The following PIEZO1 variants were observed in gnomAD, a reference collection of about 807,000 sequenced individuals.
The protein encoded by PIEZO1 is piezo-type mechanosensitive ion channel component 1.
In PIEZO1, 296 loss-of-function variants were observed where a neutral mutation model predicts 297.2. That is an observed-to-expected ratio of 1.00 (90% confidence interval 0.91 to 1.10). PIEZO1 has a LOEUF of 1.10. Ranked by LOEUF, PIEZO1 falls within the 50% of genes least tolerant of loss-of-function variation. The probability of loss-of-function intolerance (pLI) is 0.00; values close to 1 mark genes in which losing one functional copy is unlikely to be tolerated. For synonymous variants in PIEZO1, 2,427 were observed against 1,507.5 expected, an observed-to-expected ratio of 1.61 and a Z score of -14.13; for missense variants, 5,018 against 3,455.5, an observed-to-expected ratio of 1.45 and a Z score of -11.34.
In PIEZO1 at chr16:88,727,743, C is replaced by CT; in HGVS notation, c.3197-83dup. The CT allele has an allele frequency of 4.9e-6, 3 of 614,516 alleles. No individual in the cohort carries two copies. The South Asian group carries it at 8.2e-5, about 17-fold the overall frequency. The allele number at this position is 614,516 out of a possible 1,614,324, so 38.1% of individuals were successfully genotyped here. ...CCGGTCCCCACCCGTTGACCCGAGT[C>CT]TATCACCAGCCCTCAGGGTCCATGG... On this transcript the variant is annotated intron_variant, in intron 22 of 50. Transcript: ENST00000301015.
rs757623895 is a variant in PIEZO1 at position 88,720,722 on chromosome 16, C to G, written c.5695G>C (p.Gly1899Arg). 59 of 1,523,886 alleles carry G rather than the reference C, an allele frequency of 3.9e-5. No homozygotes were observed. The South Asian group carries it at 6.9e-4, about 18-fold the overall frequency. 94.4% of individuals were successfully genotyped at this position (1,523,886 alleles called of 1,614,324 possible). A position where few individuals can be genotyped will look rare whatever the true frequency, so the allele number is the denominator to read the frequency against. Reference protein sequence around the residue: ...IEAEDREEEEGEEEKEAPTGR... With the variant: ...IEAEDREEEEREEEKEAPTGR... ...GTGGGGGCCTCTTTCTCTTCCTCCC[C>G]CTCTTCTTCCTCCCTGTCCTCAGCT... Residue 1899 changes from glycine to arginine, a missense_variant, in exon 40 of 51, where the codon GGG (glycine) becomes CGG (arginine). Transcript: ENST00000301015.
Position 88,722,027 on chromosome 16 carries a change from A to C in PIEZO1, c.4995T>G (p.Phe1665Leu). Residue 1665 changes from phenylalanine to leucine, a missense_variant, in exon 37 of 51, where the codon TTT (phenylalanine) becomes TTG (leucine). Physicochemically the swap from Phe to Leu is conservative, Grantham distance 22 (BLOSUM62 0). Transcript: ENST00000301015. The part of the protein sequence containing the change: ...RIPELEEAEL[F>L]AEGQGRALRL... ...GCAGCGCCCGGCCCTGCCCCTCCGCAAACAGCTCTGCCTCCTCCAGCTCTG... is the reference window on the plus strand; with the variant it reads ...GCAGCGCCCGGCCCTGCCCCTCCGCCAACAGCTCTGCCTCCTCCAGCTCTG... The C allele has an allele frequency of 1.3e-6, 2 of 1,548,306 alleles. No individual in the cohort carries two copies. Among genetic ancestry groups the C allele is most frequent in the Admixed American group, 2.0e-5 (1 of 50,980 alleles).
At chr16:88,719,496 C>T (rs887319048) in intron 44 of PIEZO1, 78 bp downstream of exon 44, 22 of 1,387,720 alleles carry the variant, frequency 1.6e-5, no homozygotes, top group African/African-American at 8.6e-5. Context: ...CACGGGTTCT[C>T]GTGGCAGCAG....
intron 1 of PIEZO1, among the ~76,000 whole-genome samples, chr16:88,749,896 CG>C (rs1203338396): frequency 2.0e-5 from 3 of 151,572 alleles, no homozygotes; most frequent in African/African-American, 7.3e-5. Context: ...GGCATGGTGG[CG>C]GGCACCTGTA....
At position 88,719,706 on chromosome 16, in the gene PIEZO1, C is replaced by T. The variant is rs773087443; in HGVS notation, c.6339G>A (p.Pro2113=). 13 of 1,551,234 alleles carry T rather than the reference C, an allele frequency of 8.4e-6. No individual in the cohort carries two copies. The highest frequency in any genetic ancestry group is 5.9e-5 in the South Asian group (5 of 84,084). Residue 2113 remains proline (P), a synonymous_variant, in exon 44 of 51, where the codon CCG becomes CCA. Coordinates refer to ENST00000301015, the MANE Select transcript of PIEZO1 (RefSeq NM_001142864.4). ...TCACTGCCCGCAGCTCCACCAGGAA[C>T]GGCACCAGCCGGAACCTGCCCACAG... ...LFLFQGFRLV[P]FLVELRAVMD...
At chr16:88,729,872 G>A (rs1163651078) in intron 22 of PIEZO1, among the ~76,000 whole-genome samples, 1 of 151,578 alleles carries the variant, frequency 6.6e-6, no homozygotes, top group Admixed American at 6.6e-5. Flanking sequence ...AGGACATGCT[G>A]AACCCACAGC....
intron 18 of PIEZO1, 44 bp from the exon 19 acceptor site, chr16:88,733,498 G>T: frequency 1.3e-6 from 2 of 1,532,406 alleles, no homozygotes; most frequent in Middle Eastern, 3.4e-4. Context: ...GGAGGGCAGT[G>T]GGCACGTGGG....
intron 44 of PIEZO1, chr16:88,718,958 C>T (rs967135825): frequency 1.3e-5 from 2 of 154,676 alleles, no homozygotes; most frequent in Non-Finnish European, 1.5e-5. Context: ...GATCCTCCTC[C>T]TTTGGCCTCC....
At chr16:88,725,557 G>T in intron 28 of PIEZO1, 38 bp from the exon 29 acceptor site, 2 of 1,533,054 alleles carry the variant, frequency 1.3e-6, no homozygotes, top group South Asian at 1.2e-5. Flanking sequence ...GAGCATTGGG[G>T]GGAGGAGCCG....
Position 88,739,458 on chromosome 16 carries a change from T to C in PIEZO1, c.466-722A>G, listed in dbSNP as rs950147189. On this transcript the variant is annotated intron_variant, in intron 5 of 50. Coordinates refer to ENST00000301015, the MANE Select transcript of PIEZO1 (RefSeq NM_001142864.4). Reference sequence around the variant, plus strand: ...TCTGGCCTGGCTGCCACCGGCCCAGTGTCCCCATCTGTGACTCGGGGGCTC... The same window carrying C: ...TCTGGCCTGGCTGCCACCGGCCCAGCGTCCCCATCTGTGACTCGGGGGCTC... 5.9e-5 allele frequency: 9 copies of C among 152,136 alleles called. No individual in the cohort carries two copies. The East Asian group carries it at 1.5e-3, about 26-fold the overall frequency. 9.4% of individuals were successfully genotyped at this position (152,136 alleles called of 1,614,324 possible).
chr16:88,750,243 G>C (rs928631939), intron 1 of PIEZO1, among the ~76,000 whole-genome samples: 1 of 152,000 alleles, frequency 6.6e-6, no homozygotes, highest in African/African-American at 2.4e-5. Context: ...GGCTGAGGCA[G>C]GAGAATCGCT....
In PIEZO1 at chr16:88,726,695, C is replaced by T. The variant is rs4424896; in HGVS notation, c.3699+20G>A. 111 of 1,540,880 alleles carry T rather than the reference C, an allele frequency of 7.2e-5. 1 individual carries two copies. Among genetic ancestry groups the T allele is most frequent in the Non-Finnish European group, 8.7e-5 (99 of 1,140,378 alleles). ...CAGCGGGGCCCCAGGGCGGTGGGTGCGGGGGGGCCGGAGGCTCACCGACAG... is the reference window on the plus strand; with the variant it reads ...CAGCGGGGCCCCAGGGCGGTGGGTGTGGGGGGGCCGGAGGCTCACCGACAG... On this transcript the variant is annotated intron_variant, in intron 25 of 50. Transcript: ENST00000301015.
intron 1 of PIEZO1, among the ~76,000 whole-genome samples, chr16:88,764,664 T>A (rs1907088224): frequency 6.7e-6 from 1 of 148,884 alleles, no homozygotes; most frequent in Non-Finnish European, 1.5e-5. Context: ...GGCAGGAGAA[T>A]CGCTTGAACC....
rs1912486573 is a variant in PIEZO1, at chr16:88,721,898, C to T, written c.5124G>A (p.Leu1708=). The stretch of plus-strand genomic sequence containing the variant: ...ACAGGAAGACGAGCACGGGCAGCAC[C>T]AGCGAGCCGGCGGAGGCCGTGACCA... ...NHMVTASAGS[L]VLPVLVFLWA... is the part of the protein sequence containing the mutation. The change falls in exon 37 of 51, where the codon CTG becomes CTA. Residue 1708 remains leucine (L), a synonymous_variant. Coordinates refer to ENST00000301015, the MANE Select transcript of PIEZO1 (RefSeq NM_001142864.4). 1.9e-6 allele frequency: 3 copies of T among 1,550,122 alleles called. No homozygotes were observed. The highest frequency in any genetic ancestry group is 2.6e-6 in the Non-Finnish European group (3 of 1,146,798).
chr16:88,733,051 G>A (rs1393579859), intron 19 of PIEZO1: 2 of 589,314 alleles, frequency 3.4e-6, no homozygotes, highest in East Asian at 2.8e-5. Flanking sequence ...CGGAGACCCT[G>A]GGACTCCGCC....
chr16:88,720,674 G>C lies in PIEZO1; in HGVS notation c.5743C>G (p.Arg1915Gly), dbSNP rs13338527. 4 of 1,546,704 alleles carry C rather than the reference G, an allele frequency of 2.6e-6. No individual in the cohort carries two copies. The highest frequency in any genetic ancestry group is 3.5e-6 in the Non-Finnish European group (4 of 1,145,174). The part of the protein sequence containing the change: ...APTGREKRPS[R>G]SGGRVRAAGR... The stretch of plus-strand genomic sequence containing the variant: ...GCCGCCCTTACTCTTCCTCCAGAGC[G>C]GCTTGGCCTCTTCTCTCTCCCCGTG... Residue 1915 changes from arginine to glycine, a missense_variant, in exon 40 of 51, where the codon CGC becomes GGC. Transcript: ENST00000301015.
intron 1 of PIEZO1, among the ~76,000 whole-genome samples, chr16:88,754,235 G>A (rs940981245): frequency 1.3e-5 from 2 of 152,152 alleles, no homozygotes; most frequent in African/African-American, 4.8e-5. Flanking sequence ...CTGCCCCCAC[G>A]GTAGCTGCTG....
At chr16:88,736,976 A>G in intron 10 of PIEZO1, 2 of 429,898 alleles carry the variant, frequency 4.7e-6, no homozygotes, top group Admixed American at 8.4e-5. Flanking sequence ...AGGGTGGGAA[A>G]GGTGGCCCTG....
chr16:88,737,322 C>T (rs1409179883), intron 10 of PIEZO1: 9 of 492,972 alleles, frequency 1.8e-5, no homozygotes, highest in Non-Finnish European at 3.3e-5. Context: ...GGATCAACGA[C>T]GCGGCCACTC....
Sources: gnomAD v4.1 joint callset for allele counts (sites outside exome capture counted in the v4.1 genomes callset) on GRCh38, gnomAD v4.1.1 for gene constraint, MANE v1.5 for transcripts, NCBI Gene and HGNC (gene_info 2026-07-23, HGNC 2026-07-21) for gene names.